Variants in IGF2BP2 observed in about 807,000 individuals in gnomAD.
IGF2BP2 encodes the protein insulin-like growth factor 2 mRNA-binding protein 2.
In IGF2BP2, 17 loss-of-function variants were observed where a neutral mutation model predicts 75.8. That is an observed-to-expected ratio of 0.22 (90% CI 0.15 to 0.34). The LOEUF is 0.34. IGF2BP2 is among the 10% of genes least tolerant of loss of function. The pLI is 1.00. For missense variants in IGF2BP2, 516 were observed against 772.4 expected (o/e 0.67, Z 3.93); for synonymous variants, 288 against 295.6 (o/e 0.97, Z 0.26).
chr3:185,770,321 C>T (rs765020939), intron 2 of IGF2BP2, among the ~76,000 whole-genome samples: 19 of 152,098 alleles, frequency 1.2e-4, no homozygotes, highest in Non-Finnish European at 2.2e-4. Context: ...TGGTGATTTA[C>T]GGGAAACTCC....
intron 4 of IGF2BP2, among the ~76,000 whole-genome samples, chr3:185,695,276 G>C (rs1722435641): frequency 6.6e-6 from 1 of 152,284 alleles, no homozygotes; most frequent in African/African-American, 2.4e-5. Flanking sequence ...TAGCAGAATA[G>C]ATCATATACA....
chr3:185,696,088 C>T (rs1049915960), intron 4 of IGF2BP2, among the ~76,000 whole-genome samples: 3 of 152,068 alleles, frequency 2.0e-5, no homozygotes, highest in Non-Finnish European at 4.4e-5. Flanking sequence ...CACCTGGCCT[C>T]GGGTGCTTTT....
rs1472507928 is a variant in IGF2BP2, at chr3:185,647,686, C to G, written c.1594-548G>C. 6.6e-6 allele frequency among the ~76,000 whole-genome samples: 1 copy of G among 152,198 alleles called. No homozygotes were observed. The highest frequency in any genetic ancestry group is 2.4e-5 in the African/African-American group (1 of 41,454). ...CCCGGCCACTGGATCCCACCCCAGG[C>G]CCACCTCCATGAAGCCTCCAGCCCA... On this transcript the variant is annotated intron_variant, in intron 14 of 15. Transcript: ENST00000382199. The surrounding 1 kb of genome is among the most constrained non-coding windows in gnomAD (Gnocchi z 4.9).
chr3:185,810,418 C>T (rs1009501670), intron 2 of IGF2BP2, among the ~76,000 whole-genome samples: 34 of 152,304 alleles, frequency 2.2e-4, no homozygotes, highest in African/African-American at 7.7e-4. Context: ...CACTTTTCAC[C>T]ACTATATTTT....
At chr3:185,729,348 C>T (rs1347773545) in intron 2 of IGF2BP2, among the ~76,000 whole-genome samples, 1 of 152,182 alleles carries the variant, frequency 6.6e-6, no homozygotes, top group Non-Finnish European at 1.5e-5. Flanking sequence ...AGCTCTCACA[C>T]ATTTTTCTTG....
chr3:185,808,759 G>C (rs1360015366), intron 2 of IGF2BP2, among the ~76,000 whole-genome samples: 1 of 150,730 alleles, frequency 6.6e-6, no homozygotes, highest in Non-Finnish European at 1.5e-5. Flanking sequence ...GTAGAGATGG[G>C]GTTTTGCCAT....
chr3:185,726,256 G>A (rs1317786085), intron 2 of IGF2BP2, among the ~76,000 whole-genome samples: 3 of 152,152 alleles, frequency 2.0e-5, no homozygotes, highest in Admixed American at 6.5e-5. Context: ...TGGACCCAGG[G>A]TCAGAGGAGG....
chr3:185,688,876 G>C (rs1443522615), intron 6 of IGF2BP2, among the ~76,000 whole-genome samples: 2 of 152,172 alleles, frequency 1.3e-5, no homozygotes, highest in East Asian at 3.8e-4. Flanking sequence ...CAGTCTCCTT[G>C]AACAGGGAGG....
At chr3:185,770,123 A>G (rs1473187715) in intron 2 of IGF2BP2, among the ~76,000 whole-genome samples, 1 of 152,178 alleles carries the variant, frequency 6.6e-6, no homozygotes, top group Non-Finnish European at 1.5e-5. Flanking sequence ...AGGAAGCAGA[A>G]CTGGGGGATG....
chr3:185,700,475 T>C (rs1292964578), intron 2 of IGF2BP2, among the ~76,000 whole-genome samples: 2 of 152,198 alleles, frequency 1.3e-5, no homozygotes, highest in Non-Finnish European at 2.9e-5. Context: ...ACCTCTATGC[T>C]GTGAAGGCTA....
intron 2 of IGF2BP2, among the ~76,000 whole-genome samples, chr3:185,809,895 A>T (rs867500486): frequency 1.1e-4 from 16 of 152,206 alleles, no homozygotes; most frequent in African/African-American, 2.9e-4. Context: ...CTGTCCAAAG[A>T]AAAAACAAGA....
chr3:185,734,586 CCT>C (rs756382466), intron 2 of IGF2BP2, among the ~76,000 whole-genome samples: 1 of 152,174 alleles, frequency 6.6e-6, no homozygotes, highest in Non-Finnish European at 1.5e-5. Context: ...TGTGTTAGCA[CCT>C]GGCAATTATC....
At chr3:185,721,094 C>T (rs747861427) in intron 2 of IGF2BP2, among the ~76,000 whole-genome samples, 20 of 152,052 alleles carry the variant, frequency 1.3e-4, no homozygotes, top group Non-Finnish European at 2.2e-4. Context: ...AAGCCCCAGG[C>T]GTCTTAATTA....
chr3:185,784,842 CA>C (rs1301703048), intron 2 of IGF2BP2, among the ~76,000 whole-genome samples: 1 of 152,172 alleles, frequency 6.6e-6, no homozygotes, highest in Non-Finnish European at 1.5e-5. Flanking sequence ...ATGTGCAAGG[CA>C]ATGGGGATAC....
intron 7 of IGF2BP2, 54 bp downstream of exon 7, chr3:185,687,003 G>T (rs1385713276): frequency 2.3e-5 from 36 of 1,583,422 alleles, no homozygotes; most frequent in Non-Finnish European, 2.9e-5. Context: ...TTAAATGAGG[G>T]AGAATCTACT....
intron 2 of IGF2BP2, chr3:185,821,038 G>C (rs770015346): frequency 1.3e-6 from 2 of 1,535,460 alleles, no homozygotes; most frequent in African/African-American, 1.4e-5. Context: ...CATCAACGTG[G>C]TAGTGTCCAG....
intron 2 of IGF2BP2, among the ~76,000 whole-genome samples, chr3:185,819,656 T>C (rs1168333996): frequency 2.6e-5 from 4 of 152,096 alleles, no homozygotes; most frequent in African/African-American, 4.8e-5. Context: ...TTAATATATA[T>C]TCTGTGTTAA....
intron 12 of IGF2BP2, among the ~76,000 whole-genome samples, chr3:185,653,374 A>T (rs1163916142): frequency 6.6e-6 from 1 of 152,178 alleles, no homozygotes; most frequent in African/African-American, 2.4e-5. Flanking sequence ...TAATCCCAGC[A>T]CTTTGGGAGA....
chr3:185,743,487 G>T (rs1376418383), intron 2 of IGF2BP2, among the ~76,000 whole-genome samples: 2 of 152,146 alleles, frequency 1.3e-5, no homozygotes, highest in African/African-American at 2.4e-5. Context: ...TATTGGCCAG[G>T]CTGGTCTCAA....
Sources: gnomAD v4.1 joint callset for allele counts (sites outside exome capture counted in the v4.1 genomes callset) on GRCh38, gnomAD v4.1.1 for gene constraint, Gnocchi (gnomAD v3.1) non-coding constraint, MANE v1.5 for transcripts, NCBI Gene and HGNC (gene_info 2026-07-23, HGNC 2026-07-21) for gene names.